The following SCN11A variants were observed in gnomAD, a reference collection of about 807,000 sequenced individuals.
SCN11A encodes sodium channel protein type 11 subunit alpha.
In SCN11A, 122 loss-of-function variants were observed where a neutral mutation model predicts 162.2. The observed-to-expected ratio is 0.75, with a 90% CI of 0.65 to 0.87. SCN11A has a LOEUF of 0.87. Among genes scored for constraint, SCN11A ranks in the 40% least tolerant of loss-of-function variants. SCN11A has a pLI of 0.00. For synonymous variants in SCN11A, 758 were observed against 751.5 expected (o/e 1.01, Z -0.14); for missense variants, 2,015 against 2,181.6 (o/e 0.92, Z 1.52).
At chr3:38,997,958 G>A (rs774247605) in intron 2 of SCN11A, among the ~76,000 whole-genome samples, 1 of 152,196 alleles carries the variant, frequency 6.6e-6, no homozygotes, top group Non-Finnish European at 1.5e-5. Flanking sequence ...ACTGATAGGA[G>A]AGAATCCGAT....
intron 2 of SCN11A, among the ~76,000 whole-genome samples, chr3:38,991,001 T>C (rs1328648391): frequency 6.6e-6 from 1 of 152,044 alleles, no homozygotes; most frequent in African/African-American, 2.4e-5. Flanking sequence ...CTTTCTTCCG[T>C]CTCCTGGGGG....
intron 15 of SCN11A, among the ~76,000 whole-genome samples, chr3:38,904,334 A>T (rs2065756446): frequency 6.6e-6 from 1 of 152,020 alleles, no homozygotes; most frequent in Non-Finnish European, 1.5e-5. Context: ...AAATATTTAC[A>T]CTCTTACTGA....
intron 2 of SCN11A, among the ~76,000 whole-genome samples, chr3:38,992,465 T>C (rs1402153508): frequency 6.6e-6 from 1 of 152,244 alleles, no homozygotes; most frequent in East Asian, 1.9e-4. Flanking sequence ...TATCTGTCTT[T>C]ACAAACAAAC....
chr3:39,026,764 G>A (rs963200536), intron 2 of SCN11A, among the ~76,000 whole-genome samples: 3 of 152,150 alleles, frequency 2.0e-5, no homozygotes, highest in African/African-American at 7.2e-5. Flanking sequence ...AGGCAGCCAG[G>A]ATAAGAAGAT....
At chr3:38,875,689 C>T (rs2065195716) in intron 23 of SCN11A, among the ~76,000 whole-genome samples, 1 of 152,114 alleles carries the variant, frequency 6.6e-6, no homozygotes, top group Non-Finnish European at 1.5e-5. Context: ...AACTACAAAA[C>T]ACTGCTGAAA....
At chr3:38,987,577 C>A (rs965875798) in intron 2 of SCN11A, among the ~76,000 whole-genome samples, 7 of 151,834 alleles carry the variant, frequency 4.6e-5, no homozygotes, top group African/African-American at 1.7e-4. Context: ...GCAGGCATCA[C>A]ACAAAGGAGA....
chr3:39,032,467 A>G lies in SCN11A; in HGVS notation c.-367T>C, dbSNP rs2031785441. 6.6e-6 allele frequency among the ~76,000 whole-genome samples: 1 copy of G among 152,228 alleles called. No individual in the cohort carries two copies. The highest frequency in any genetic ancestry group is 2.4e-5 in the African/African-American group (1 of 41,452). ...TTCACTGTGTTCAGCAAATGGATTGAACATGGAGCCAAAAACATGCGAAGC... is the reference window on the plus strand; with the variant it reads ...TTCACTGTGTTCAGCAAATGGATTGGACATGGAGCCAAAAACATGCGAAGC... On this transcript the variant is annotated 5_prime_UTR_variant, in exon 2 of 30. Coordinates refer to ENST00000302328, the MANE Select transcript of SCN11A (RefSeq NM_001349253.2).
At chr3:38,965,292 C>A (rs374144743) in intron 2 of SCN11A, among the ~76,000 whole-genome samples, 6 of 152,316 alleles carry the variant, frequency 3.9e-5, no homozygotes, top group African/African-American at 1.4e-4. Context: ...CTGCTAACCT[C>A]CTCATAGTCC....
chr3:38,980,226 T>G (rs887073826), intron 2 of SCN11A, among the ~76,000 whole-genome samples: 2 of 151,404 alleles, frequency 1.3e-5, no homozygotes, highest in African/African-American at 2.4e-5. Flanking sequence ...TCTTTCTGCT[T>G]TCTTTGAGAA....
At chr3:39,025,555 G>A (rs2031567695) in intron 2 of SCN11A, among the ~76,000 whole-genome samples, 1 of 151,992 alleles carries the variant, frequency 6.6e-6, no homozygotes, top group Non-Finnish European at 1.5e-5. Context: ...ACCATATAGG[G>A]TAACTTCCTG....
chr3:38,985,652 TGA>T (rs2030214800), intron 2 of SCN11A, among the ~76,000 whole-genome samples: 1 of 151,012 alleles, frequency 6.6e-6, no homozygotes, highest in African/African-American at 2.5e-5. Context: ...TAATCAAGGC[TGA>T]GTCTTGGATT....
intron 17 of SCN11A, among the ~76,000 whole-genome samples, chr3:38,899,541 T>C (rs1007587457): frequency 7.2e-5 from 11 of 152,156 alleles, no homozygotes; most frequent in African/African-American, 1.9e-4. Context: ...AGGAATATTT[T>C]CCCTTATTTA....
At chr3:38,925,615 C>G in intron 8 of SCN11A, 106 bp from the exon 9 acceptor site, 2 of 717,538 alleles carry the variant, frequency 2.8e-6, no homozygotes, top group South Asian at 3.6e-5. Flanking sequence ...CTGTGACCTC[C>G]AAGGTGAAAT....
chr3:38,852,642 T>C (rs532587843), intron 28 of SCN11A, among the ~76,000 whole-genome samples: 3 of 152,190 alleles, frequency 2.0e-5, no homozygotes, highest in Non-Finnish European at 4.4e-5. Flanking sequence ...GTTCTATTAC[T>C]GGAAATGAAA....
At chr3:38,921,351 A>C in intron 9 of SCN11A, 96 bp from the exon 10 acceptor site, 1 of 1,180,196 alleles carries the variant, frequency 8.5e-7, no homozygotes. Context: ...GGAAACTGTC[A>C]AATTGCAGGC....
At chr3:38,997,038 C>T (rs1037409874) in intron 2 of SCN11A, among the ~76,000 whole-genome samples, 2 of 152,174 alleles carry the variant, frequency 1.3e-5, no homozygotes, top group African/African-American at 4.8e-5. Context: ...AATCCCCCTG[C>T]TTCCACCCTT....
intron 7 of SCN11A, 42 bp downstream of exon 7, chr3:38,945,369 G>T: frequency 7.6e-7 from 1 of 1,323,398 alleles, no homozygotes; most frequent in Non-Finnish European, 1.1e-6. Flanking sequence ...AGGTATATTT[G>T]TTTAAAAACT....
At chr3:38,999,218 T>C (rs1244157371) in intron 2 of SCN11A, among the ~76,000 whole-genome samples, 5 of 152,194 alleles carry the variant, frequency 3.3e-5, no homozygotes, top group African/African-American at 1.2e-4. Flanking sequence ...AAAATTATAA[T>C]ACTACATTTG....
Position 38,863,158 on chromosome 3 carries a change from C to T in SCN11A, c.4056+37G>A, listed in dbSNP as rs761966321. ...ATTTGAGTTCCTCACAGTAACTCAA[C>T]TGTTCTACATATTTACAGTCATTCA... On this transcript the variant is annotated intron_variant, in intron 28 of 29. Coordinates refer to ENST00000302328, the MANE Select transcript of SCN11A (RefSeq NM_001349253.2). 3 of 1,190,574 alleles carry T rather than the reference C, an allele frequency of 2.5e-6. No individual in the cohort carries two copies. In the East Asian group the frequency reaches 7.0e-5, roughly 28 times the overall value. 73.8% of individuals were successfully genotyped at this position (1,190,574 alleles called of 1,614,324 possible).
Sources: gnomAD v4.1 joint callset for allele counts (sites outside exome capture counted in the v4.1 genomes callset) on GRCh38, gnomAD v4.1.1 for gene constraint, MANE v1.5 for transcripts, NCBI Gene and HGNC (gene_info 2026-07-23, HGNC 2026-07-21) for gene names.